Variants in CPM observed in about 807,000 individuals in gnomAD.
The protein encoded by CPM is carboxypeptidase M, also known as renal carboxypeptidase.
CPM carries 35 observed loss-of-function variants against 46.4 expected under a neutral mutation model. That is an observed-to-expected ratio of 0.75 (90% CI 0.58 to 1.00). CPM has a LOEUF of 1.00. Among genes scored for constraint, CPM ranks in the 50% least tolerant of loss-of-function variants. The pLI, the probability that CPM is intolerant of heterozygous loss-of-function variation, is 0.00. For synonymous variants in CPM, 195 were observed against 195.3 expected, an observed-to-expected ratio of 1.00 and a Z score of 0.01; for missense variants, 422 against 530.4, an observed-to-expected ratio of 0.80 and a Z score of 2.01.
chr12:68,859,901 C>T (rs902440395), intron 7 of CPM, among the ~76,000 whole-genome samples: 17 of 152,072 alleles, frequency 1.1e-4, no homozygotes, highest in Admixed American at 9.8e-4. Flanking sequence ...TTTACTCCAG[C>T]GTCAAATCAT....
chr12:68,842,397 T>C, intron 5 of CPM: 1 of 491,162 alleles, frequency 2.0e-6, no homozygotes, highest in South Asian at 1.5e-5. Flanking sequence ...AAAATCTCAT[T>C]ATCTATAACC....
intron 2 of CPM, among the ~76,000 whole-genome samples, chr12:68,894,055 C>G (rs187232278): frequency 6.9e-4 from 105 of 152,288 alleles, no homozygotes; most frequent in African/African-American, 1.9e-3. Context: ...GCTCACCAGT[C>G]TTCACAGCTG....
rs1384632766 is a variant in CPM, at chr12:68,851,976, A to G, written c.*4461T>C. 1 of 152,250 alleles carries G rather than the reference A, an allele frequency of 6.6e-6. No individual in the cohort carries two copies. The highest frequency in any genetic ancestry group is 1.5e-5 in the Non-Finnish European group (1 of 68,044). 9.4% of individuals were successfully genotyped at this position (152,250 alleles called of 1,614,324 possible). A position where few individuals can be genotyped will look rare whatever the true frequency, so the allele number is the denominator to read the frequency against. The stretch of plus-strand genomic sequence containing the variant: ...TCTCAATAAGCAACTTATCTATTGC[A>G]GTAAGACAATATGCTATGCTTATCT... On this transcript the variant is annotated 3_prime_UTR_variant, in exon 9 of 9. Coordinates refer to ENST00000551568, the MANE Select transcript of CPM (RefSeq NM_198320.5).
intron 3 of CPM, among the ~76,000 whole-genome samples, chr12:68,874,705 A>G (rs971466114): frequency 2.0e-5 from 3 of 152,316 alleles, no homozygotes; most frequent in Admixed American, 6.5e-5. Context: ...GTGAGGAGGA[A>G]GTGACCAGGA....
chr12:68,922,953 G>C (rs1042504190), intron 2 of CPM, among the ~76,000 whole-genome samples: 2 of 152,174 alleles, frequency 1.3e-5, no homozygotes, highest in East Asian at 3.9e-4. Context: ...CTCTTGCTGT[G>C]TTGCCCAGGC....
chr12:68,860,303 T>C (rs142165500), intron 7 of CPM, among the ~76,000 whole-genome samples: 95 of 152,306 alleles, frequency 6.2e-4, no homozygotes, highest in African/African-American at 2.0e-3. Flanking sequence ...TTGCCCTCTC[T>C]TTTTTAAACA....
At chr12:68,872,187 T>G (rs895967458) in intron 3 of CPM, among the ~76,000 whole-genome samples, 21 of 152,024 alleles carry the variant, frequency 1.4e-4, no homozygotes, top group Non-Finnish European at 2.8e-4. Context: ...AGTACCTATT[T>G]GTAAATAGTT....
intron 2 of CPM, among the ~76,000 whole-genome samples, chr12:68,914,290 A>G (rs1418138138): frequency 1.3e-5 from 2 of 151,030 alleles, no homozygotes; most frequent in African/African-American, 4.9e-5. Context: ...TTTCCAATTT[A>G]GCACAAAAGT....
intron 5 of CPM, chr12:68,842,379 G>A: frequency 2.0e-6 from 1 of 493,294 alleles, no homozygotes; most frequent in Non-Finnish European, 4.0e-6. Flanking sequence ...CATGGCAGAG[G>A]TTTCCTAAAA....
At chr12:68,844,195 A>G (rs1270289517) in intron 5 of CPM, 1 of 208,918 alleles carries the variant, frequency 4.8e-6, no homozygotes, top group Non-Finnish European at 9.7e-6. Flanking sequence ...CAAGAATGCA[A>G]TTATTTGATC....
At chr12:68,867,169 A>C in intron 6 of CPM, 121 bp from the exon 7 acceptor site, 2 of 980,916 alleles carry the variant, frequency 2.0e-6, no homozygotes, top group Non-Finnish European at 3.2e-6. Context: ...TGAATTTGAC[A>C]TATTAGCTTG....
At chr12:68,887,093 G>C (rs1248775955) in intron 2 of CPM, among the ~76,000 whole-genome samples, 15 of 152,194 alleles carry the variant, frequency 9.9e-5, no homozygotes, top group Admixed American at 9.8e-4. Context: ...TTCAATTCTA[G>C]TGCTCCTCCC....
At chr12:68,885,297 C>G (rs1565780372) in intron 3 of CPM, among the ~76,000 whole-genome samples, 1 of 152,258 alleles carries the variant, frequency 6.6e-6, no homozygotes, top group East Asian at 1.9e-4. Flanking sequence ...ATTGTCTAAA[C>G]TGGAGCACTG....
chr12:68,862,588 C>A (rs1433927104), intron 7 of CPM, among the ~76,000 whole-genome samples: 1 of 139,368 alleles, frequency 7.2e-6, no homozygotes, highest in Non-Finnish European at 1.6e-5. Context: ...CTGGGGTATG[C>A]GAATATCACT....
At chr12:68,923,208 TG>T (rs2096470108) in intron 2 of CPM, among the ~76,000 whole-genome samples, 1 of 146,754 alleles carries the variant, frequency 6.8e-6, no homozygotes, top group South Asian at 2.2e-4. Flanking sequence ...TGTGTGTGTG[TG>T]TGTGTTTTGA....
chr12:68,870,030 A>G (rs1337129002), intron 5 of CPM, among the ~76,000 whole-genome samples, 185 bp downstream of exon 5: 1 of 152,222 alleles, frequency 6.6e-6, no homozygotes, highest in Non-Finnish European at 1.5e-5. Flanking sequence ...TTGTCAGTTC[A>G]GCCACACTGC....
downstream of CPM, chr12:68,850,542 C>A (rs1884620608): frequency 6.6e-6 from 1 of 152,184 alleles, no homozygotes; most frequent in Admixed American, 6.5e-5. Context: ...TGAGCCCATC[C>A]TCTGTCCTAT....
chr12:68,900,144 C>T (rs1015561772), intron 2 of CPM, among the ~76,000 whole-genome samples: 2 of 151,704 alleles, frequency 1.3e-5, no homozygotes, highest in Non-Finnish European at 2.9e-5. Flanking sequence ...AAGAGTTATC[C>T]AAAATACAGA....
chr12:68,909,900 G>A (rs987636840), intron 2 of CPM, among the ~76,000 whole-genome samples: 28 of 151,762 alleles, frequency 1.8e-4, no homozygotes, highest in South Asian at 4.2e-4. Context: ...ACGGGTTGAT[G>A]GGTGCAGCAA....
Sources: allele counts gnomAD v4.1 joint callset (sites outside exome capture counted in the v4.1 genomes callset), GRCh38; gene constraint gnomAD v4.1.1; transcripts MANE v1.5; gene names NCBI Gene and HGNC (gene_info 2026-07-23, HGNC 2026-07-21).